The following ABI2 variants were observed in gnomAD, a reference collection of about 807,000 sequenced individuals.
ABI2 encodes the protein abelson interactor 2.
A neutral mutation model predicts 59.2 loss-of-function variants in ABI2; 25 were observed. That is an observed-to-expected ratio of 0.42 (90% CI 0.31 to 0.59). The LOEUF (loss-of-function observed/expected upper bound fraction) is 0.59, where lower values mean the gene tolerates loss of function less well. ABI2 is among the 20% of genes least tolerant of loss of function. The pLI is 0.14. For missense variants in ABI2, 545 were observed against 681.8 expected, an observed-to-expected ratio of 0.80 and a Z score of 2.23; for synonymous variants, 213 against 235.5, an observed-to-expected ratio of 0.90 and a Z score of 0.87.
chr2:203,411,040 A>G (rs2097652280), intron 9 of ABI2, among the ~76,000 whole-genome samples: 3 of 151,716 alleles, frequency 2.0e-5, no homozygotes, highest in Admixed American at 1.3e-4. Context: ...TGTTATATAT[A>G]TATTTAACAT....
intron 4 of ABI2, among the ~76,000 whole-genome samples, chr2:203,387,038 TC>T (rs2096554683): frequency 6.7e-6 from 1 of 148,868 alleles, no homozygotes. Context: ...TCCTTTTTTT[TC>T]CCCGCAGGCT....
chr2:203,412,956 G>T (rs1275368440), intron 10 of ABI2, among the ~76,000 whole-genome samples: 1 of 152,220 alleles, frequency 6.6e-6, no homozygotes, highest in African/African-American at 2.4e-5. Context: ...CTAAGTAAAT[G>T]TCATTACAGT....
chr2:203,394,548 AC>A, intron 5 of ABI2, 151 bp from the exon 6 acceptor site: 1 of 671,048 alleles, frequency 1.5e-6, no homozygotes, highest in African/African-American at 1.8e-5. Context: ...GAGAAGTGAT[AC>A]ATTAGTAAAG....
At chr2:203,374,989 A>G (rs1317726678) in intron 2 of ABI2, 3 of 339,648 alleles carry the variant, frequency 8.8e-6, no homozygotes, top group Admixed American at 2.6e-5. Flanking sequence ...GCTTGGGTTC[A>G]TGAGGGAGAT....
chr2:203,328,432 C>T lies in ABI2; in HGVS notation c.-83C>T, dbSNP rs910621558. 1 of 1,181,282 alleles carries T rather than the reference C, an allele frequency of 8.5e-7. No individual in the cohort carries two copies. Among genetic ancestry groups the T allele is most frequent in the Non-Finnish European group, 1.2e-6 (1 of 825,770 alleles). 73.2% of individuals were successfully genotyped at this position (1,181,282 alleles called of 1,614,324 possible). A position where few individuals can be genotyped will look rare whatever the true frequency, so the allele number is the denominator to read the frequency against. On this transcript the variant is annotated 5_prime_UTR_variant, in exon 1 of 12. Transcript: ENST00000261018. ...CGCCGCCGTCGCCGCCGCTCCTCCT[C>T]TCCCGGTCCTGGGTTTCCTTGGCGC... is the stretch of plus-strand genomic sequence containing the variant.
intron 1 of ABI2, among the ~76,000 whole-genome samples, chr2:203,351,052 A>G (rs1395700859): frequency 1.3e-5 from 2 of 151,986 alleles, no homozygotes; most frequent in Admixed American, 1.3e-4. Context: ...AGGGGTTCAT[A>G]TTTACTCTTT....
intron 1 of ABI2, among the ~76,000 whole-genome samples, chr2:203,365,622 C>CTT (rs71007507): frequency 0.015 from 934 of 63,918 alleles, 35 homozygotes; most frequent in East Asian, 0.069. Flanking sequence ...GGGCTGTTAT[C>CTT]TTTTTTTTTT....
At chr2:203,337,887 G>C (rs530223581) in intron 1 of ABI2, among the ~76,000 whole-genome samples, 3 of 152,146 alleles carry the variant, frequency 2.0e-5, no homozygotes, top group Admixed American at 6.5e-5. Context: ...AAAAATTATA[G>C]GGCATGCTGG....
At chr2:203,420,311 A>G (rs949716179) in intron 11 of ABI2, among the ~76,000 whole-genome samples, 1 of 152,032 alleles carries the variant, frequency 6.6e-6, no homozygotes, top group Non-Finnish European at 1.5e-5. Flanking sequence ...CTTCTGGCTC[A>G]GTGATACAGC....
intron 1 of ABI2, among the ~76,000 whole-genome samples, chr2:203,335,136 T>A (rs181305226): frequency 6.6e-6 from 1 of 152,320 alleles, no homozygotes; most frequent in Admixed American, 6.5e-5. Flanking sequence ...ATTTCTATAT[T>A]TTCCCATTAG....
intron 1 of ABI2, chr2:203,342,243 T>C: frequency 2.2e-6 from 1 of 455,464 alleles, no homozygotes; most frequent in Admixed American, 2.4e-5. Context: ...AAGTAACTCA[T>C]GGACCAAGTC....
In ABI2 at chr2:203,333,946, T is replaced by TC. The variant is rs200166293; in HGVS notation, c.117+5315_117+5316insC. Among the ~76,000 whole-genome samples the TC allele has an allele frequency of 7.6e-3, 1,138 of 149,576 alleles. 8 individuals carry two copies. Among genetic ancestry groups the TC allele is most frequent in the Non-Finnish European group, 0.012 (800 of 67,212 alleles). ...TTTTTTCTTTTCTTTTTTCTTTCTTTTTTTTTTTTTTTGAGATGGAGTCTC... is the reference window on the plus strand; with the variant it reads ...TTTTTTCTTTTCTTTTTTCTTTCTTTCTTTTTTTTTTTTGAGATGGAGTCTC... On this transcript the variant is annotated intron_variant, in intron 1 of 11. Transcript: ENST00000261018.
intron 1 of ABI2, among the ~76,000 whole-genome samples, chr2:203,342,969 T>A (rs371221385): frequency 6.6e-6 from 1 of 152,238 alleles, no homozygotes; most frequent in East Asian, 1.9e-4. Context: ...TAATTATGAA[T>A]TTTATTCATG....
At chr2:203,406,864 G>A (rs1400261080) in intron 9 of ABI2, among the ~76,000 whole-genome samples, 1 of 152,018 alleles carries the variant, frequency 6.6e-6, no homozygotes. Flanking sequence ...GCTTTCACCG[G>A]GTTGGCCAGG....
At position 203,395,735 on chromosome 2, in the gene ABI2, G is replaced by C. The variant is rs1289187836; in HGVS notation, c.805G>C (p.Val269Leu). 6.2e-7 allele frequency: 1 copy of C among 1,611,024 alleles called. No individual in the cohort carries two copies. Among genetic ancestry groups the C allele is most frequent in the Non-Finnish European group, 8.5e-7 (1 of 1,178,694 alleles). ...GAACAGTGGAAGTGGTAGTGTGGGG[G>C]TTCCTATTGCTGTTCCTACTCCATC... is the stretch of plus-strand genomic sequence containing the variant. ...RENSGSGSVG[V>L]PIAVPTPSPP... Residue 269 changes from valine (V) to leucine (L), a missense_variant, in exon 7 of 12, where the codon GTT (valine) becomes CTT (leucine). By Grantham distance (32) the Val-to-Leu change is conservative. Transcript: ENST00000261018.
chr2:203,330,066 T>A (rs575318228), intron 1 of ABI2, among the ~76,000 whole-genome samples: 1 of 152,268 alleles, frequency 6.6e-6, no homozygotes, highest in Non-Finnish European at 1.5e-5. Flanking sequence ...TTTTCATGTC[T>A]TAGTGTAAAT....
Position 203,396,896 on chromosome 2 carries a change from G to T in ABI2, c.962G>T (p.Gly321Val). 2 of 1,533,336 alleles carry T rather than the reference G, an allele frequency of 1.3e-6. No homozygotes were observed. The highest frequency in any genetic ancestry group is 1.7e-6 in the Non-Finnish European group (2 of 1,145,948). The allele number at this position is 1,533,336 out of a possible 1,614,324, so 95.0% of individuals were successfully genotyped here. ...TCCACTGCCCCAGACGCTGCTGCTG[G>T]GGGTGCCCAGACCCTTGCTGATGGC... ...PSSTAPDAAA[G>V]GAQTLADGFT... Residue 321 changes from glycine (G) to valine (V), a missense_variant, in exon 8 of 12, where the codon GGG becomes GTG. Around this residue, in one of 4 missense-constraint regions of ABI2, gnomAD observed 410 missense variants for 435.6 expected, o/e 0.94. Coordinates refer to ENST00000261018, the MANE Select transcript of ABI2 (RefSeq NM_001375670.1).
chr2:203,418,258 A>G (rs758622398), intron 11 of ABI2, among the ~76,000 whole-genome samples: 3 of 152,250 alleles, frequency 2.0e-5, no homozygotes, highest in Middle Eastern at 3.2e-3. Context: ...TTAGTTGTGT[A>G]TTGCTACCTA....
In ABI2 at chr2:203,394,714, A is replaced by AG; in HGVS notation, c.593_594insG (p.Tyr198Ter). ...GKGTLGRHSP[Y>*]RTLEPVRPPV... ...TCTTTTTGTAGGCGGCACTCCCCCT[A>AG]TCGCACACTGGAGCCAGTGCGTCCT... is the stretch of plus-strand genomic sequence containing the variant. Residue 198 changes from tyrosine to a stop codon, truncating the protein, a stop_gained and frameshift_variant, in exon 6 of 12, where the codon TAT (tyrosine) becomes TAGT (stop). Transcript: ENST00000261018. LOFTEE classifies it high-confidence loss of function. 1 of 1,614,022 alleles carries AG rather than the reference A, an allele frequency of 6.2e-7. No individual in the cohort carries two copies. The highest frequency in any genetic ancestry group is 8.5e-7 in the Non-Finnish European group (1 of 1,179,988).
Sources: gnomAD v4.1 joint callset for allele counts (sites outside exome capture counted in the v4.1 genomes callset) on GRCh38, gnomAD v4.1.1 for gene constraint, gnomAD v4.1.1 regional missense constraint, MANE v1.5 for transcripts, NCBI Gene and HGNC (gene_info 2026-07-23, HGNC 2026-07-21) for gene names.